Variants in LOXL2 observed in about 807,000 individuals in gnomAD.
LOXL2 encodes the protein lysyl oxidase homolog 2.
Under a neutral mutation model 93.0 loss-of-function variants are expected in LOXL2, and 70 were observed. The observed-to-expected ratio is 0.75, with a 90% confidence interval of 0.62 to 0.92. The LOEUF (loss-of-function observed/expected upper bound fraction) is 0.92. Ranked by LOEUF, LOXL2 falls within the 40% of genes least tolerant of loss-of-function variation. The probability of loss-of-function intolerance (pLI) is 0.00; values close to 1 mark genes in which losing one functional copy is unlikely to be tolerated. For missense variants in LOXL2, 973 were observed against 1,054.9 expected (o/e 0.92, Z 1.08); for synonymous variants, 438 against 413.2 (o/e 1.06, Z -0.73).
At chr8:23,323,315 A>G (rs912627428) in intron 6 of LOXL2, among the ~76,000 whole-genome samples, 2 of 152,228 alleles carry the variant, frequency 1.3e-5, no homozygotes, top group African/African-American at 4.8e-5. Context: ...ACCCTATGTT[A>G]GGAAAGAGCA....
chr8:23,326,319 T>G (rs1376222251), intron 6 of LOXL2, among the ~76,000 whole-genome samples: 1 of 152,182 alleles, frequency 6.6e-6, no homozygotes, highest in Non-Finnish European at 1.5e-5. Flanking sequence ...TTAGGTCACA[T>G]AGCACACACC....
chr8:23,381,489 G>C (rs1398360124), intron 1 of LOXL2, among the ~76,000 whole-genome samples: 1 of 152,166 alleles, frequency 6.6e-6, no homozygotes, highest in African/African-American at 2.4e-5. Flanking sequence ...CTATGACCAT[G>C]TTTTCAAACT....
intron 4 of LOXL2, among the ~76,000 whole-genome samples, chr8:23,338,769 G>A (rs538863398): frequency 2.0e-5 from 3 of 152,288 alleles, no homozygotes; most frequent in South Asian, 4.1e-4. Context: ...TCTGAGCAGC[G>A]CCCATGGATA....
At chr8:23,384,122 A>G (rs1804722126) in intron 1 of LOXL2, among the ~76,000 whole-genome samples, 1 of 152,226 alleles carries the variant, frequency 6.6e-6, no homozygotes. Flanking sequence ...GGCAGTAGGC[A>G]AATGTCGAGG....
At chr8:23,338,124 TATAAA>T (rs1803824556) in intron 4 of LOXL2, among the ~76,000 whole-genome samples, 1 of 152,094 alleles carries the variant, frequency 6.6e-6, no homozygotes, top group Non-Finnish European at 1.5e-5. Context: ...AACTGGCCTT[TATAAA>T]ACCATCAGGT....
intron 3 of LOXL2, among the ~76,000 whole-genome samples, chr8:23,358,106 T>C (rs1052771792): frequency 6.6e-6 from 1 of 152,336 alleles, no homozygotes; most frequent in African/African-American, 2.4e-5. Flanking sequence ...ATGGAAAATT[T>C]TGTGAAACTG....
At chr8:23,304,586 C>T (rs911348218) in intron 10 of LOXL2, among the ~76,000 whole-genome samples, 3 of 152,048 alleles carry the variant, frequency 2.0e-5, no homozygotes, top group Non-Finnish European at 4.4e-5. Context: ...GCTTCCTCTT[C>T]GGCAAAGAGG....
rs1339619151 is a variant in LOXL2 at position 23,299,029 on chromosome 8, A to AC, written c.2134-83dup. On this transcript the variant is annotated intron_variant, in intron 12 of 13. Coordinates refer to ENST00000389131, the MANE Select transcript of LOXL2 (RefSeq NM_002318.3). ...AGGCCTGGGGCTCTGAGAGACCAGC[A>AC]CCTCAGGGAAGGGGAGCGTGGCAGG... The AC allele has an allele frequency of 9.8e-6, 8 of 818,730 alleles. No individual in the cohort carries two copies. In the East Asian group the frequency reaches 2.0e-4, roughly 20 times the overall value. 50.7% of individuals were successfully genotyped at this position (818,730 alleles called of 1,614,324 possible). A position where few individuals can be genotyped will look rare whatever the true frequency, so the allele number is the denominator to read the frequency against.
intron 4 of LOXL2, among the ~76,000 whole-genome samples, chr8:23,340,734 C>T (rs957695353): frequency 7.2e-5 from 11 of 152,168 alleles, no homozygotes; most frequent in South Asian, 4.1e-4. Context: ...TTCTGCAATA[C>T]GCCTTCCCAC....
At chr8:23,395,785 C>T (rs560603204) in intron 1 of LOXL2, among the ~76,000 whole-genome samples, 5 of 151,998 alleles carry the variant, frequency 3.3e-5, no homozygotes, top group African/African-American at 7.2e-5. Flanking sequence ...CCGTAACCTC[C>T]GCCTCAGCCT....
chr8:23,362,345 G>A (rs1008737111), intron 2 of LOXL2, among the ~76,000 whole-genome samples: 3 of 152,192 alleles, frequency 2.0e-5, no homozygotes, highest in Non-Finnish European at 4.4e-5. Flanking sequence ...TTGTTTAATC[G>A]GTGCAGTTTC....
intron 1 of LOXL2, among the ~76,000 whole-genome samples, chr8:23,391,548 G>A (rs1804843721): frequency 6.6e-6 from 1 of 152,150 alleles, no homozygotes; most frequent in Non-Finnish European, 1.5e-5. Context: ...CACTCTCTCA[G>A]ACACACTGTT....
rs762000039 is a variant in LOXL2 at position 23,319,990 on chromosome 8, G to A, written c.1365C>T (p.Asn455=). ...ACACCATCCCCCACACAAGGGACCC[G>A]TTTCTCTCCACCAGCACCTCCACTC... ...EGRVEVLVER[N]GSLVWGMVCG... Residue 455 remains asparagine (N), a synonymous_variant, in exon 8 of 14, where the codon AAC becomes AAT. Transcript: ENST00000389131. 3.5e-5 allele frequency: 57 copies of A among 1,613,950 alleles called. No homozygotes were observed. Among genetic ancestry groups the A allele is most frequent in the South Asian group, 2.6e-4 (24 of 91,090 alleles).
intron 1 of LOXL2, among the ~76,000 whole-genome samples, chr8:23,384,633 G>T (rs186012976): frequency 2.5e-4 from 38 of 152,268 alleles, no homozygotes; most frequent in Non-Finnish European, 4.3e-4. Context: ...AGGCTCCAGC[G>T]GCCGGGCGTG....
intron 4 of LOXL2, among the ~76,000 whole-genome samples, chr8:23,338,790 C>T (rs1585357760): frequency 6.6e-6 from 1 of 152,216 alleles, no homozygotes; most frequent in African/African-American, 2.4e-5. Flanking sequence ...TCCCTAGTCC[C>T]AGGCCAGTCC....
chr8:23,332,742 A>G (rs1160971327), intron 5 of LOXL2, among the ~76,000 whole-genome samples: 1 of 74,150 alleles, frequency 1.3e-5, no homozygotes. Context: ...ATACACCCCC[A>G]TAAACTCATA....
intron 5 of LOXL2, among the ~76,000 whole-genome samples, chr8:23,332,382 ACACT>A (rs1195646520): frequency 4.9e-5 from 5 of 103,068 alleles, no homozygotes; most frequent in Admixed American, 2.4e-4. Context: ...CCCCACATAC[ACACT>A]CATACACACA....
intron 1 of LOXL2, among the ~76,000 whole-genome samples, chr8:23,385,117 A>G (rs1804739380): frequency 6.7e-6 from 1 of 150,202 alleles, no homozygotes; most frequent in Non-Finnish European, 1.5e-5. Flanking sequence ...TTATGTATTT[A>G]TTTACCACTC....
intron 4 of LOXL2, among the ~76,000 whole-genome samples, chr8:23,339,703 G>A (rs867725795): frequency 2.0e-5 from 3 of 152,204 alleles, no homozygotes; most frequent in Non-Finnish European, 4.4e-5. Flanking sequence ...ACCAAGGAAG[G>A]AGTCGGGTGG....
Sources: gnomAD v4.1 joint callset for allele counts (sites outside exome capture counted in the v4.1 genomes callset) on GRCh38, gnomAD v4.1.1 for gene constraint, MANE v1.5 for transcripts, NCBI Gene and HGNC (gene_info 2026-07-23, HGNC 2026-07-21) for gene names.